Variants in PDE7A observed in about 807,000 individuals in gnomAD.
PDE7A encodes the protein high affinity 3',5'-cyclic-AMP phosphodiesterase 7A.
A neutral mutation model predicts 64.3 loss-of-function variants in PDE7A; 39 were observed. That is an observed-to-expected ratio of 0.61 (90% confidence interval 0.47 to 0.79). PDE7A has a LOEUF of 0.79. PDE7A is among the 30% of genes least tolerant of loss of function. The pLI, the probability that PDE7A is intolerant of heterozygous loss-of-function variation, is 0.00. For synonymous variants in PDE7A, 203 were observed against 206.8 expected (o/e 0.98, Z 0.16); for missense variants, 470 against 582.8 (o/e 0.81, Z 1.99).
In PDE7A at chr8:65,751,681, G is replaced by A. The variant is rs80079356; in HGVS notation, c.284-3878C>T. On this transcript the variant is annotated intron_variant, in intron 3 of 12. Transcript: ENST00000401827. The stretch of plus-strand genomic sequence containing the variant: ...CTAATTTTGTATTTTTAGTAGAGAC[G>A]GGGTTTCTCCATGTTGGTCAGGCTG... Among the ~76,000 whole-genome samples, 536 of 152,192 alleles carry A rather than the reference G, an allele frequency of 3.5e-3. 5 individuals are homozygous for A. The highest frequency in any genetic ancestry group is 0.014 in the East Asian group (71 of 5,182).
chr8:65,828,001 TCA>T (rs1810721149), intron 1 of PDE7A, among the ~76,000 whole-genome samples: 1 of 152,168 alleles, frequency 6.6e-6, no homozygotes, highest in African/African-American at 2.4e-5. Context: ...TACTTGTAAC[TCA>T]TTAGATTATT....
intron 1 of PDE7A, among the ~76,000 whole-genome samples, chr8:65,817,898 G>A (rs1038784359): frequency 4.6e-5 from 7 of 151,702 alleles, no homozygotes; most frequent in African/African-American, 1.5e-4. Flanking sequence ...GATTACAGGC[G>A]CCTGCCACTG....
At chr8:65,820,884 C>G (rs1810525726) in intron 1 of PDE7A, among the ~76,000 whole-genome samples, 1 of 152,194 alleles carries the variant, frequency 6.6e-6, no homozygotes, top group Admixed American at 6.5e-5. Context: ...GCCACCATGC[C>G]TGGCTGAAAT....
chr8:65,839,219 T>C (rs1005252275), intron 1 of PDE7A, among the ~76,000 whole-genome samples: 3 of 144,308 alleles, frequency 2.1e-5, no homozygotes, highest in East Asian at 1.9e-4. Flanking sequence ...TAATGTCTTT[T>C]TTTTAAAAAA....
intron 7 of PDE7A, among the ~76,000 whole-genome samples, chr8:65,729,673 C>G (rs917356469): frequency 6.6e-6 from 1 of 151,634 alleles, no homozygotes; most frequent in Non-Finnish European, 1.5e-5. Context: ...AATCGATTCT[C>G]TTACTCAGGC....
intron 5 of PDE7A, among the ~76,000 whole-genome samples, chr8:65,741,966 T>A (rs956432040): frequency 1.3e-5 from 2 of 152,156 alleles, no homozygotes; most frequent in African/African-American, 4.8e-5. Flanking sequence ...CAAGAATCAG[T>A]CTCTTAAAGT....
chr8:65,787,132 C>T (rs1254940935), intron 1 of PDE7A, among the ~76,000 whole-genome samples: 4 of 152,114 alleles, frequency 2.6e-5, no homozygotes, highest in Non-Finnish European at 4.4e-5. Flanking sequence ...CCAAGTTTTC[C>T]ACTAAATGAT....
At chr8:65,798,288 C>T (rs1218101983) in intron 1 of PDE7A, among the ~76,000 whole-genome samples, 3 of 149,218 alleles carry the variant, frequency 2.0e-5, no homozygotes, top group Non-Finnish European at 4.4e-5. Context: ...TGGCTCACTG[C>T]AACCTCTACC....
intron 1 of PDE7A, among the ~76,000 whole-genome samples, chr8:65,784,836 A>T (rs186896198): frequency 6.6e-5 from 10 of 152,124 alleles, no homozygotes; most frequent in African/African-American, 1.2e-4. Context: ...AAAAAAATAT[A>T]AAAAAATGCT....
intron 7 of PDE7A, among the ~76,000 whole-genome samples, chr8:65,732,653 AC>A: frequency 6.6e-6 from 1 of 152,260 alleles, no homozygotes; most frequent in Non-Finnish European, 1.5e-5. Flanking sequence ...AGCTGGGACC[AC>A]AGGTACACAC....
At position 65,841,578 on chromosome 8, in the gene PDE7A, G is replaced by A. The variant is rs1811090633; in HGVS notation, c.-70C>T. 1.0e-6 allele frequency: 1 copy of A among 972,498 alleles called. No individual in the cohort carries two copies. Among genetic ancestry groups the A allele is most frequent in the Non-Finnish European group, 1.3e-6 (1 of 752,116 alleles). 60.2% of individuals were successfully genotyped at this position (972,498 alleles called of 1,614,324 possible). A position where few individuals can be genotyped will look rare whatever the true frequency, so the allele number is the denominator to read the frequency against. Reference sequence around the variant, plus strand: ...GCCGCCGGCCCCTGCAGTGGGAGGGGGCCGCGGCTCGGGGGCTCCGGGCCG... The same window carrying A: ...GCCGCCGGCCCCTGCAGTGGGAGGGAGCCGCGGCTCGGGGGCTCCGGGCCG... On this transcript the variant is annotated 5_prime_UTR_variant, in exon 1 of 13. Transcript: ENST00000401827.
At chr8:65,798,236 C>T (rs2128927522) in intron 1 of PDE7A, among the ~76,000 whole-genome samples, 1 of 128,968 alleles carries the variant, frequency 7.8e-6, no homozygotes, top group Non-Finnish European at 1.5e-5. Flanking sequence ...GAGTCTCGCT[C>T]TGTCACCCAG....
chr8:65,747,826 T>A, intron 3 of PDE7A, 23 bp from the exon 4 acceptor site: 1 of 1,561,522 alleles, frequency 6.4e-7, no homozygotes, highest in South Asian at 1.2e-5. Flanking sequence ...GAATAAAAGG[T>A]AAGTATAGCA....
At chr8:65,827,987 C>G (rs1810720987) in intron 1 of PDE7A, among the ~76,000 whole-genome samples, 1 of 152,184 alleles carries the variant, frequency 6.6e-6, no homozygotes, top group African/African-American at 2.4e-5. Flanking sequence ...ACTTCCAACT[C>G]ACATACTTGT....
At chr8:65,800,954 G>A (rs968773233) in intron 1 of PDE7A, among the ~76,000 whole-genome samples, 3 of 152,010 alleles carry the variant, frequency 2.0e-5, no homozygotes, top group African/African-American at 7.3e-5. Context: ...TCTTTCATTC[G>A]AGTCTAAAAC....
At chr8:65,733,054 G>A (rs1214369972) in intron 7 of PDE7A, among the ~76,000 whole-genome samples, 1 of 152,156 alleles carries the variant, frequency 6.6e-6, no homozygotes, top group African/African-American at 2.4e-5. Context: ...AGGGAGAAGG[G>A]AAATGCCTGC....
chr8:65,820,787 A>G (rs1174448566), intron 1 of PDE7A, among the ~76,000 whole-genome samples: 1 of 152,036 alleles, frequency 6.6e-6, no homozygotes, highest in Non-Finnish European at 1.5e-5. Flanking sequence ...ACAGGGTTTC[A>G]CCACGTTGGC....
chr8:65,775,010 C>T (rs1809217408), intron 3 of PDE7A, among the ~76,000 whole-genome samples: 1 of 152,182 alleles, frequency 6.6e-6, no homozygotes, highest in Non-Finnish European at 1.5e-5. Flanking sequence ...TTTATGTTTT[C>T]TACATTCAGT....
intron 1 of PDE7A, among the ~76,000 whole-genome samples, chr8:65,784,117 G>A (rs140947086): frequency 1.3e-5 from 2 of 152,284 alleles, no homozygotes; most frequent in Non-Finnish European, 1.5e-5. Flanking sequence ...GCTGAGGCAG[G>A]AGGATCCCTT....
Sources: allele counts gnomAD v4.1 joint callset (sites outside exome capture counted in the v4.1 genomes callset), GRCh38; gene constraint gnomAD v4.1.1; transcripts MANE v1.5; gene names NCBI Gene and HGNC (gene_info 2026-07-23, HGNC 2026-07-21).